Variants in DLGAP2 observed in about 807,000 individuals in gnomAD.
DLGAP2 encodes the protein DLG associated protein 2.
Under a neutral mutation model 100.3 loss-of-function variants are expected in DLGAP2, and 26 were observed. The observed-to-expected ratio is 0.26, with a 90% CI of 0.19 to 0.36. DLGAP2 has a LOEUF of 0.36. Ranked by LOEUF, DLGAP2 falls within the 10% of genes least tolerant of loss-of-function variation. The pLI, the probability that DLGAP2 is intolerant of heterozygous loss-of-function variation, is 1.00. For missense variants in DLGAP2, 1,858 were observed against 1,453.2 expected (o/e 1.28, Z -4.53); for synonymous variants, 886 against 630.1 (o/e 1.41, Z -6.08).
chr8:1,658,487 G>C (rs1585039262), intron 8 of DLGAP2, among the ~76,000 whole-genome samples: 1 of 152,204 alleles, frequency 6.6e-6, no homozygotes, highest in Non-Finnish European at 1.5e-5. Flanking sequence ...GCTTTTTTTG[G>C]TTGGTAGGCT....
chr8:1,558,726 C>G (rs1365724363), intron 5 of DLGAP2, among the ~76,000 whole-genome samples: 1 of 104,940 alleles, frequency 9.5e-6, no homozygotes, highest in South Asian at 3.4e-4. Flanking sequence ...TTACACATAC[C>G]CACACATACA....
intron 1 of DLGAP2, among the ~76,000 whole-genome samples, chr8:893,847 G>A (rs573462564): frequency 3.9e-5 from 6 of 152,258 alleles, no homozygotes; most frequent in Non-Finnish European, 8.8e-5. Flanking sequence ...CATGGGGCCC[G>A]AGCCCCTCCT....
intron 1 of DLGAP2, among the ~76,000 whole-genome samples, chr8:821,184 C>G (rs867378050): frequency 4.6e-5 from 7 of 152,212 alleles, no homozygotes; most frequent in Non-Finnish European, 7.3e-5. Flanking sequence ...CGTTAACTAA[C>G]TAATCATCAA....
chr8:1,100,370 T>C (rs1450851068), intron 2 of DLGAP2, among the ~76,000 whole-genome samples: 1 of 152,154 alleles, frequency 6.6e-6, no homozygotes, highest in Non-Finnish European at 1.5e-5. Context: ...TTGTCCAGCA[T>C]GTCCACAGTG....
chr8:1,542,740 C>T (rs896922225), intron 4 of DLGAP2, among the ~76,000 whole-genome samples: 2 of 152,162 alleles, frequency 1.3e-5, no homozygotes, highest in African/African-American at 4.8e-5. Flanking sequence ...TTTCATTTCT[C>T]TTGGATGTGC....
intron 2 of DLGAP2, among the ~76,000 whole-genome samples, chr8:1,141,386 A>C (rs1360159969): frequency 6.6e-6 from 1 of 152,234 alleles, no homozygotes; most frequent in Non-Finnish European, 1.5e-5. Flanking sequence ...TTGATAAAGC[A>C]TTTCAAGCAT....
intron 2 of DLGAP2, among the ~76,000 whole-genome samples, chr8:1,099,499 T>G (rs1804508608): frequency 6.6e-6 from 1 of 152,232 alleles, no homozygotes; most frequent in Non-Finnish European, 1.5e-5. Flanking sequence ...TCAGGGAGTT[T>G]CTGGTCTGTG....
intron 3 of DLGAP2, among the ~76,000 whole-genome samples, chr8:1,297,997 CAGACACCACGTGAGACAGGGA>C: frequency 2.5e-5 from 1 of 39,370 alleles, no homozygotes. Context: ...CAGGCGTCAA[CAGACACCACGTGAGACAGGGA>C]GGAGAAACGT....
Position 1,362,004 on chromosome 8 carries a change from T to C in DLGAP2, c.106+103121T>C, listed in dbSNP as rs974347469. 4.6e-5 allele frequency among the ~76,000 whole-genome samples: 7 copies of C among 152,336 alleles called. No homozygotes were observed. In the South Asian group the frequency reaches 1.4e-3, roughly 32 times the overall value. ...GCACCTCCTGGCTGCAGAGGTGGAA[T>C]GGCCCCTTCCGTGCTACGGTGGCAA... is the stretch of plus-strand genomic sequence containing the variant. On this transcript the variant is annotated intron_variant, in intron 3 of 14. Transcript: ENST00000637795.
intron 3 of DLGAP2, among the ~76,000 whole-genome samples, chr8:1,441,760 G>A (rs1028136120): frequency 2.7e-5 from 4 of 149,634 alleles, no homozygotes; most frequent in African/African-American, 9.8e-5. Flanking sequence ...CAGCTTGTGA[G>A]AGTGGGCTTT....
Position 780,307 on chromosome 8 carries a change from C to T in DLGAP2, c.18+42482C>T, listed in dbSNP as rs1009797117. Among the ~76,000 whole-genome samples, 8 of 152,194 alleles carry T rather than the reference C, an allele frequency of 5.3e-5. 1 individual carries two copies. Among genetic ancestry groups the T allele is most frequent in the African/African-American group, 1.9e-4 (8 of 41,438 alleles). ...TGTCTTCCAGGCTCATTCACATTGT[C>T]ATTAATAACAGGATTTCTTTTTCTT... On this transcript the variant is annotated intron_variant, in intron 1 of 14. Transcript: ENST00000637795.
In DLGAP2 at chr8:952,293, C is replaced by T. The variant is rs185957856; in HGVS notation, c.73+44327C>T. On this transcript the variant is annotated intron_variant, in intron 2 of 14. Transcript: ENST00000637795. ...GACCTCTTGATGCTATTACTAAGGG[C>T]CAACAATTCCCCAGAGCTTCTGTTT... Among the ~76,000 whole-genome samples, 358 of 152,326 alleles carry T rather than the reference C, an allele frequency of 2.4e-3. 1 individual carries two copies. Among genetic ancestry groups the T allele is most frequent in the African/African-American group, 8.1e-3 (337 of 41,560 alleles).
intron 3 of DLGAP2, among the ~76,000 whole-genome samples, chr8:1,270,352 C>A (rs1799555263): frequency 6.6e-6 from 1 of 152,182 alleles, no homozygotes. Context: ...GTGATGTGGG[C>A]AATGGGGAGA....
intron 3 of DLGAP2, among the ~76,000 whole-genome samples, chr8:1,322,692 G>C (rs1800933347): frequency 6.6e-6 from 1 of 152,240 alleles, no homozygotes; most frequent in Non-Finnish European, 1.5e-5. Context: ...CTGCCTCTGT[G>C]ACTTCACACA....
At chr8:1,602,631 C>T (rs1205066967) in intron 6 of DLGAP2, among the ~76,000 whole-genome samples, 1 of 152,240 alleles carries the variant, frequency 6.6e-6, no homozygotes. Context: ...CAGGCTGACC[C>T]TCTACCAGCT....
intron 2 of DLGAP2, among the ~76,000 whole-genome samples, chr8:1,180,514 C>T (rs1291590100): frequency 1.3e-5 from 2 of 152,276 alleles, no homozygotes; most frequent in East Asian, 1.9e-4. Flanking sequence ...TGTGTTGCAT[C>T]ACCATGGATT....
At chr8:1,151,475 C>T (rs1435261738) in intron 2 of DLGAP2, among the ~76,000 whole-genome samples, 4 of 152,114 alleles carry the variant, frequency 2.6e-5, no homozygotes, top group East Asian at 1.9e-4. Flanking sequence ...TGAACACGTG[C>T]GAAGATGAAC....
intron 3 of DLGAP2, among the ~76,000 whole-genome samples, chr8:1,478,675 G>A (rs547842181): frequency 3.3e-5 from 5 of 152,196 alleles, no homozygotes; most frequent in Admixed American, 1.3e-4. Flanking sequence ...GATGCCCAGG[G>A]CAATGGTCAA....
intron 1 of DLGAP2, among the ~76,000 whole-genome samples, chr8:800,161 G>A (rs1796118238): frequency 6.6e-6 from 1 of 152,200 alleles, no homozygotes; most frequent in Non-Finnish European, 1.5e-5. Context: ...CTGAGGATAT[G>A]GTCATGCTGT....
Sources: gnomAD v4.1 joint callset for allele counts (sites outside exome capture counted in the v4.1 genomes callset) on GRCh38, gnomAD v4.1.1 for gene constraint, MANE v1.5 for transcripts, NCBI Gene and HGNC (gene_info 2026-07-23, HGNC 2026-07-21) for gene names.